Variants in PEPD observed in about 807,000 individuals in gnomAD.
PEPD encodes xaa-Pro dipeptidase.
A neutral mutation model predicts 60.7 loss-of-function variants in PEPD; 53 were observed. The observed-to-expected ratio is 0.87, with a 90% confidence interval of 0.70 to 1.10. PEPD has a LOEUF of 1.10. Ranked by LOEUF, PEPD falls within the 50% of genes least tolerant of loss-of-function variation. The pLI is 0.00. For missense variants in PEPD, 711 were observed against 711.9 expected (o/e 1.00, Z 0.01); for synonymous variants, 267 against 284.1 (o/e 0.94, Z 0.60).
At chr19:33,477,967 G>T (rs1970249528) in intron 7 of PEPD, 79 bp downstream of exon 7, 1 of 937,442 alleles carries the variant, frequency 1.1e-6, no homozygotes, top group Non-Finnish European at 1.7e-6. Flanking sequence ...CTGAGACGGT[G>T]TGGGCAGGAA....
chr19:33,393,068 C>T (rs1968263466), intron 12 of PEPD, among the ~76,000 whole-genome samples: 1 of 150,632 alleles, frequency 6.6e-6, no homozygotes, highest in Non-Finnish European at 1.5e-5. Flanking sequence ...GATGCCCAGA[C>T]CTGCCCCCAC....
At chr19:33,451,151 G>A (rs574679643) in intron 9 of PEPD, among the ~76,000 whole-genome samples, 8 of 152,266 alleles carry the variant, frequency 5.3e-5, no homozygotes, top group Middle Eastern at 3.4e-3. Context: ...CTGTAACACC[G>A]CTGCTTTAAT....
intron 9 of PEPD, among the ~76,000 whole-genome samples, chr19:33,417,007 G>A (rs1044502939): frequency 6.6e-6 from 1 of 152,166 alleles, no homozygotes; most frequent in Admixed American, 6.5e-5. Flanking sequence ...AATCCAGCCC[G>A]TGGAGCGCTC....
intron 11 of PEPD, among the ~76,000 whole-genome samples, chr19:33,406,962 A>ACCAGGCCCAGCAGGGGTGAGG (rs1968642627): frequency 6.6e-6 from 1 of 152,100 alleles, no homozygotes; most frequent in Non-Finnish European, 1.5e-5. Flanking sequence ...AACACAAAAG[A>ACCAGGCCCAGCAGGGGTGAGG]CCAGGCCCAG....
chr19:33,506,358 A>ACT (rs1970810271), intron 3 of PEPD, among the ~76,000 whole-genome samples: 1 of 131,942 alleles, frequency 7.6e-6, no homozygotes. Context: ...GGACACTCAC[A>ACT]CCCACCACAC....
chr19:33,429,403 T>C (rs896217601), intron 9 of PEPD, among the ~76,000 whole-genome samples: 1 of 152,264 alleles, frequency 6.6e-6, no homozygotes, highest in African/African-American at 2.4e-5. Context: ...GGTCACTTAG[T>C]AATTACGCGG....
chr19:33,417,945 G>A (rs1465994085), intron 9 of PEPD, among the ~76,000 whole-genome samples: 2 of 152,212 alleles, frequency 1.3e-5, no homozygotes, highest in Admixed American at 6.5e-5. Context: ...CAGCAAAAAC[G>A]CGGAGGTGTG....
At chr19:33,423,617 C>T (rs1969082110) in intron 9 of PEPD, among the ~76,000 whole-genome samples, 1 of 152,170 alleles carries the variant, frequency 6.6e-6, no homozygotes, top group African/African-American at 2.4e-5. Flanking sequence ...TGTCTACTTC[C>T]TCACATTTCT....
At chr19:33,430,988 G>A (rs1568467736) in intron 9 of PEPD, among the ~76,000 whole-genome samples, 1 of 152,166 alleles carries the variant, frequency 6.6e-6, no homozygotes, top group Non-Finnish European at 1.5e-5. Context: ...CCAGCCAGGT[G>A]CTGTGGCTCA....
At chr19:33,515,803 C>T (rs1971013380) in intron 1 of PEPD, among the ~76,000 whole-genome samples, 1 of 152,072 alleles carries the variant, frequency 6.6e-6, no homozygotes, top group African/African-American at 2.4e-5. Flanking sequence ...TGGCCACACT[C>T]CTTAATCATA....
chr19:33,432,318 C>T (rs1425436415), intron 9 of PEPD, among the ~76,000 whole-genome samples: 1 of 152,210 alleles, frequency 6.6e-6, no homozygotes, highest in Non-Finnish European at 1.5e-5. Flanking sequence ...ACGGAGGTAT[C>T]CCTTTTGCAC....
At chr19:33,506,853 C>T (rs1302522284) in intron 3 of PEPD, among the ~76,000 whole-genome samples, 2 of 149,844 alleles carry the variant, frequency 1.3e-5, no homozygotes, top group East Asian at 4.0e-4. Context: ...TTCACCCCTC[C>T]TCATAAACAC....
chr19:33,449,474 G>A (rs961242706), intron 9 of PEPD, among the ~76,000 whole-genome samples: 17 of 152,172 alleles, frequency 1.1e-4, no homozygotes, highest in South Asian at 2.1e-4. Flanking sequence ...AGAAGCCTGC[G>A]CCAAAACAGG....
intron 9 of PEPD, among the ~76,000 whole-genome samples, chr19:33,430,975 A>G (rs1012599265): frequency 1.3e-5 from 2 of 152,114 alleles, no homozygotes; most frequent in East Asian, 3.9e-4. Context: ...AAAAATAAGC[A>G]ATCCAGCCAG....
chr19:33,432,010 A>AAAAAAAAAAAG (rs1031542443), intron 9 of PEPD, among the ~76,000 whole-genome samples: 3 of 147,512 alleles, frequency 2.0e-5, no homozygotes, highest in African/African-American at 7.7e-5. Flanking sequence ...AAAAAAAAAA[A>AAAAAAAAAAAG]GGGAAGATTA....
chr19:33,506,496 CCA>C (rs571440157), intron 3 of PEPD, among the ~76,000 whole-genome samples: 269 of 140,264 alleles, frequency 1.9e-3, no homozygotes, highest in Middle Eastern at 5.2e-3. Flanking sequence ...CAACACACAC[CCA>C]CACACACCCA....
rs750183982 is a variant in PEPD, at chr19:33,411,718, G to C, written c.772C>G (p.His258Asp). ...GENSAVLHYG[H>D]AGAPNDRTIQ... is the part of the protein sequence containing the mutation. ...GTTCGGTCGTTGGGAGCTCCGGCGT[G>C]TCCGTAGTGTAGCACGGCTGAGTTC... Residue 258 changes from histidine to aspartate, a missense_variant, in exon 11 of 15, where the codon CAC becomes GAC. His to Asp is a moderately conservative substitution (Grantham distance 81). Transcript: ENST00000244137. 6.2e-7 allele frequency: 1 copy of C among 1,611,008 alleles called. No individual in the cohort carries two copies. The highest frequency in any genetic ancestry group is 8.5e-7 in the Non-Finnish European group (1 of 1,177,490).
intron 9 of PEPD, among the ~76,000 whole-genome samples, chr19:33,428,819 A>G (rs1036320670): frequency 6.6e-6 from 1 of 152,264 alleles, no homozygotes; most frequent in African/African-American, 2.4e-5. Flanking sequence ...CTCAGTAAAC[A>G]TGTGAAGAAA....
chr19:33,461,351 A>C (rs1969923286), intron 9 of PEPD, among the ~76,000 whole-genome samples: 1 of 150,954 alleles, frequency 6.6e-6, no homozygotes, highest in Non-Finnish European at 1.5e-5. Flanking sequence ...ATGAGGGCTA[A>C]GGAACGGCGG....
Sources: gnomAD v4.1 joint callset for allele counts (sites outside exome capture counted in the v4.1 genomes callset) on GRCh38, gnomAD v4.1.1 for gene constraint, MANE v1.5 for transcripts, NCBI Gene and HGNC (gene_info 2026-07-23, HGNC 2026-07-21) for gene names.